C11orf65: variants seen among roughly 807,000 people sequenced by gnomAD.
The protein encoded by C11orf65 is chromosome 11 open reading frame 65, also known as protein MFI.
In C11orf65, 38 loss-of-function variants were observed where a neutral mutation model predicts 35.3. The ratio of observed to expected loss-of-function variants is 1.08; its 90% confidence interval spans 0.83 to 1.41. The LOEUF (loss-of-function observed/expected upper bound fraction) is 1.41. C11orf65 is among the 40% of genes most tolerant of loss of function. C11orf65 has a pLI of 0.00. For missense variants in C11orf65, 370 were observed against 367.1 expected, an observed-to-expected ratio of 1.01 and a Z score of -0.06; for synonymous variants, 105 against 114.4, an observed-to-expected ratio of 0.92 and a Z score of 0.53.
intron 6 of C11orf65, among the ~76,000 whole-genome samples, chr11:108,396,903 A>G (rs991731759): frequency 6.6e-6 from 1 of 151,310 alleles, no homozygotes; most frequent in Non-Finnish European, 1.5e-5. Context: ...TTATAATTAA[A>G]TGGTATAAAT....
At chr11:108,395,845 T>C (rs973462762) in intron 6 of C11orf65, among the ~76,000 whole-genome samples, 3 of 142,968 alleles carry the variant, frequency 2.1e-5, no homozygotes, top group African/African-American at 7.9e-5. Context: ...ATGGTCTCGA[T>C]CTCCTGACCT....
At position 108,353,867 on chromosome 11, in the gene C11orf65, G is replaced by A. The variant is rs876658519; in HGVS notation, c.227-18575C>T. 2 of 1,612,782 alleles carry A rather than the reference G, an allele frequency of 1.2e-6. No homozygotes were observed. The highest frequency in any genetic ancestry group is 1.7e-6 in the Non-Finnish European group (2 of 1,178,942). On this transcript the variant is annotated intron_variant, in intron 2 of 3. Transcript: ENST00000524755. The stretch of plus-strand genomic sequence containing the variant: ...TGGCATGGGCATTACGGGTGTTGAA[G>A]GTGTCTTCAGAAGGTAAGTGATATG...
intron 6 of C11orf65, among the ~76,000 whole-genome samples, chr11:108,402,055 C>G (rs2092449319): frequency 6.6e-6 from 1 of 152,184 alleles, no homozygotes; most frequent in African/African-American, 2.4e-5. Context: ...TGTAACTGTT[C>G]TGGTTTATAA....
At chr11:108,364,462 A>G (rs2091125277) in intron 2 of C11orf65, among the ~76,000 whole-genome samples, 1 of 152,158 alleles carries the variant, frequency 6.6e-6, no homozygotes, top group Non-Finnish European at 1.5e-5. Flanking sequence ...TGGTATCCTA[A>G]TTCTACACCT....
chr11:108,454,571 T>A (rs985481053), intron 2 of C11orf65, among the ~76,000 whole-genome samples: 48 of 152,234 alleles, frequency 3.2e-4, no homozygotes, highest in African/African-American at 1.1e-3. Context: ...GTGCTGGGAT[T>A]ACAGGCGTGA....
intron 3 of C11orf65, among the ~76,000 whole-genome samples, chr11:108,420,193 CCT>C (rs1227942977): frequency 6.6e-6 from 1 of 152,116 alleles, no homozygotes; most frequent in Non-Finnish European, 1.5e-5. Flanking sequence ...ATATGTAAGA[CCT>C]CTCTATAGAA....
chr11:108,353,991 G>A, intron 2 of C11orf65: 1 of 1,082,516 alleles, frequency 9.2e-7, no homozygotes. Context: ...TGAAGTGGGA[G>A]GATTGTTTGA....
rs878853531 is a variant in C11orf65 at position 108,320,064 on chromosome 11, A to C, written c.641-10993T>G. On this transcript the variant is annotated intron_variant, in intron 6 of 6. Coordinates refer to the C11orf65 transcript ENST00000525729. ...GAAAGTCTCAAATATGCCAGGTATTATGAAAAGACAAAGTTACTGTATTTT... is the reference window on the plus strand; with the variant it reads ...GAAAGTCTCAAATATGCCAGGTATTCTGAAAAGACAAAGTTACTGTATTTT... The C allele has an allele frequency of 6.4e-7, 1 of 1,561,160 alleles. No homozygotes were observed. Among genetic ancestry groups the C allele is most frequent in the South Asian group, 1.1e-5 (1 of 89,932 alleles).
intron 6 of C11orf65, among the ~76,000 whole-genome samples, chr11:108,395,149 C>G (rs172895): frequency 0.52 from 78,763 of 150,160 alleles, 21,413 homozygotes; most frequent in Middle Eastern, 0.73. Flanking sequence ...AAAAAAAAAT[C>G]ATAACACTAC....
chr11:108,424,997 G>C (rs1241612275), intron 3 of C11orf65, among the ~76,000 whole-genome samples: 1 of 152,176 alleles, frequency 6.6e-6, no homozygotes, highest in Non-Finnish European at 1.5e-5. Context: ...CCAGGAAACA[G>C]CTAAAGCAGT....
At chr11:108,445,547 C>T (rs1246676542) in intron 2 of C11orf65, among the ~76,000 whole-genome samples, 1 of 152,172 alleles carries the variant, frequency 6.6e-6, no homozygotes, top group Admixed American at 6.5e-5. Context: ...TCCAACGGAC[C>T]TGTAGCTGAG....
chr11:108,416,564 G>C (rs889179065), intron 3 of C11orf65, among the ~76,000 whole-genome samples: 31 of 152,056 alleles, frequency 2.0e-4, no homozygotes, highest in African/African-American at 7.5e-4. Flanking sequence ...GTGAATTCCA[G>C]CTACTCGGGA....
At chr11:108,365,246 T>A (rs1565608400) in intron 2 of C11orf65, 6 of 1,614,202 alleles carry the variant, frequency 3.7e-6, no homozygotes, top group Middle Eastern at 1.6e-4. Context: ...AAGGTCCTGT[T>A]GTCAGTTTTT....
At chr11:108,393,073 C>T in intron 7 of C11orf65, 135 bp downstream of exon 7, 4 of 934,154 alleles carry the variant, frequency 4.3e-6, no homozygotes, top group Non-Finnish European at 6.3e-6. Flanking sequence ...TCTTTCTAGA[C>T]AAATAATAGA....
intron 6 of C11orf65, among the ~76,000 whole-genome samples, chr11:108,404,233 C>T (rs892078121): frequency 6.6e-6 from 1 of 152,216 alleles, no homozygotes; most frequent in Admixed American, 6.5e-5. Flanking sequence ...CCCCTCTGTA[C>T]TGCAAGTGAA....
chr11:108,369,721 T>C (rs2091496440), intron 2 of C11orf65, among the ~76,000 whole-genome samples: 1 of 152,312 alleles, frequency 6.6e-6, no homozygotes, highest in South Asian at 2.1e-4. Context: ...ACTTTCATTG[T>C]GTATGATCCA....
intron 2 of C11orf65, among the ~76,000 whole-genome samples, chr11:108,363,355 T>C (rs1474060618): frequency 6.6e-6 from 1 of 152,194 alleles, no homozygotes; most frequent in Non-Finnish European, 1.5e-5. Flanking sequence ...CTTTTCAGTG[T>C]ATTTGTCTCT....
intron 7 of C11orf65, among the ~76,000 whole-genome samples, chr11:108,390,707 G>A (rs1475187625): frequency 1.3e-5 from 2 of 152,104 alleles, no homozygotes; most frequent in Non-Finnish European, 2.9e-5. Context: ...TAAAAGCAAG[G>A]CATTGCAGCT....
At chr11:108,381,935 G>GCT (rs34839130), downstream of C11orf65, among the ~76,000 whole-genome samples, 1,128 of 150,160 alleles carry the variant, frequency 7.5e-3, 11 homozygotes, top group African/African-American at 0.025. Flanking sequence ...CTTCCTCCTT[G>GCT]CTCTCTCTCT....
Sources: allele counts gnomAD v4.1 joint callset (sites outside exome capture counted in the v4.1 genomes callset), GRCh38; gene constraint gnomAD v4.1.1; transcripts MANE v1.5; gene names NCBI Gene and HGNC (gene_info 2026-07-23, HGNC 2026-07-21).